Variants in RIN2 observed in about 807,000 individuals in gnomAD.
RIN2 encodes the protein Ras and Rab interactor 2.
A neutral mutation model predicts 78.0 loss-of-function variants in RIN2; 36 were observed. That is an observed-to-expected ratio of 0.46 (90% CI 0.35 to 0.61). The LOEUF (loss-of-function observed/expected upper bound fraction) is 0.61. RIN2 is among the 20% of genes least tolerant of loss of function. The pLI is 0.00. For synonymous variants in RIN2, 466 were observed against 466.8 expected (o/e 1.00, Z 0.02); for missense variants, 1,087 against 1,159.7 (o/e 0.94, Z 0.91).
intron 2 of RIN2, among the ~76,000 whole-genome samples, chr20:19,806,830 C>T (rs994076336): frequency 2.2e-5 from 3 of 136,958 alleles, no homozygotes; most frequent in Admixed American, 7.2e-5. Flanking sequence ...TCCAGGAGCT[C>T]GAGGCTACAG....
At position 20,000,910 on chromosome 20, in the gene RIN2, G is replaced by A. The variant is rs763261576; in HGVS notation, c.2662G>A (p.Gly888Arg). 2.5e-5 allele frequency: 40 copies of A among 1,612,304 alleles called. No homozygotes were observed. The highest frequency in any genetic ancestry group is 3.0e-5 in the Non-Finnish European group (35 of 1,179,114). The change falls in exon 13 of 13, where the codon GGG becomes AGG. Residue 888 changes from glycine to arginine, a missense_variant. By Grantham distance (125) the Gly-to-Arg change is moderately radical. Transcript: ENST00000255006. ...TCCTTATGGCATCATTTTCCAGAAC[G>A]GGGAAGAAGACCTCACCACCTCCTA... ...NDPYGIIFQN[G>R]EEDLTTS
chr20:19,834,340 G>A (rs2036339714), intron 2 of RIN2, among the ~76,000 whole-genome samples: 1 of 152,174 alleles, frequency 6.6e-6, no homozygotes, highest in Admixed American at 6.5e-5. Flanking sequence ...GCTGCCTATG[G>A]GTGACAATAG....
At chr20:19,812,925 T>C (rs1489279491) in intron 2 of RIN2, among the ~76,000 whole-genome samples, 2 of 152,224 alleles carry the variant, frequency 1.3e-5, no homozygotes, top group Non-Finnish European at 2.9e-5. Context: ...ACTGCAGAAG[T>C]TACTCAGCTT....
At chr20:19,788,471 A>C (rs1201094316) in intron 1 of RIN2, among the ~76,000 whole-genome samples, 2 of 145,592 alleles carry the variant, frequency 1.4e-5, no homozygotes, top group African/African-American at 5.2e-5. Context: ...GCATGGTGGC[A>C]GGCACCTGTA....
chr20:19,872,949 A>G (rs948780228), intron 2 of RIN2, among the ~76,000 whole-genome samples: 10 of 152,144 alleles, frequency 6.6e-5, no homozygotes, highest in African/African-American at 2.4e-4. Flanking sequence ...ACATATATTT[A>G]ATAAATAAAT....
intron 2 of RIN2, among the ~76,000 whole-genome samples, chr20:19,819,692 G>A (rs1000311657): frequency 6.6e-6 from 1 of 152,102 alleles, no homozygotes; most frequent in African/African-American, 2.4e-5. Flanking sequence ...ATGCCACCAT[G>A]CCTAGCTAAT....
At chr20:19,904,070 A>G (rs1568591881) in intron 3 of RIN2, among the ~76,000 whole-genome samples, 1 of 151,856 alleles carries the variant, frequency 6.6e-6, no homozygotes. Flanking sequence ...GGTCTCTACT[A>G]AAAACACAAA....
chr20:19,966,040 G>T lies in RIN2; in HGVS notation c.536+1016G>T, dbSNP rs906860. ...CATCAAGTGTTTTTTCAGTAATTAAGAATCAAAATTCTTGTTATCTGCAGG... is the reference window on the plus strand; with the variant it reads ...CATCAAGTGTTTTTTCAGTAATTAATAATCAAAATTCTTGTTATCTGCAGG... On this transcript the variant is annotated intron_variant, in intron 7 of 12. Transcript: ENST00000255006. Among the ~76,000 whole-genome samples, 1,491 of 152,194 alleles carry T rather than the reference G, an allele frequency of 9.8e-3. 24 individuals carry two copies. The highest frequency in any genetic ancestry group is 0.047 in the South Asian group (229 of 4,828).
At chr20:19,866,465 G>A (rs1320422706) in intron 2 of RIN2, among the ~76,000 whole-genome samples, 6 of 152,126 alleles carry the variant, frequency 3.9e-5, no homozygotes, top group South Asian at 4.1e-4. Flanking sequence ...GCTGGGGAGT[G>A]CAGAGAGACA....
chr20:19,762,067 T>TCTA (rs1327049088), intron 1 of RIN2, among the ~76,000 whole-genome samples: 2 of 152,190 alleles, frequency 1.3e-5, no homozygotes, highest in African/African-American at 4.8e-5. Context: ...CTCTAGGGTG[T>TCTA]CTAAGTGTGT....
At chr20:19,802,359 G>A (rs2035266884) in intron 2 of RIN2, among the ~76,000 whole-genome samples, 2 of 152,192 alleles carry the variant, frequency 1.3e-5, no homozygotes, top group South Asian at 2.1e-4. Flanking sequence ...GCCAGGCCAG[G>A]TGTGGTGGCT....
In RIN2 at chr20:19,956,884, G is replaced by C. The variant is rs1264612149; in HGVS notation, c.351+77G>C. ...GCTTAAAGAAAAACACTTGGAGTTA[G>C]TTCCAGAAATTTCTTCCTAGCTTGT... On this transcript the variant is annotated intron_variant, in intron 5 of 12. Transcript: ENST00000255006. The C allele has an allele frequency of 7.0e-6, 9 of 1,294,800 alleles. No individual in the cohort carries two copies. The Admixed American group carries it at 2.6e-4, about 37-fold the overall frequency. The allele number at this position is 1,294,800 out of a possible 1,614,324, so 80.2% of individuals were successfully genotyped here.
intron 2 of RIN2, among the ~76,000 whole-genome samples, chr20:19,876,566 C>T (rs1051122894): frequency 5.8e-5 from 7 of 120,638 alleles, no homozygotes; most frequent in Admixed American, 5.6e-4. Flanking sequence ...GCATAACAGA[C>T]AGGCGAAATG....
At chr20:19,817,518 G>C (rs2035800611) in intron 2 of RIN2, among the ~76,000 whole-genome samples, 1 of 151,862 alleles carries the variant, frequency 6.6e-6, no homozygotes, top group South Asian at 2.1e-4. Context: ...TGGGGGCGGG[G>C]GGCACAAACA....
chr20:19,820,699 T>G (rs2035900721), intron 2 of RIN2, among the ~76,000 whole-genome samples: 1 of 152,136 alleles, frequency 6.6e-6, no homozygotes, highest in African/African-American at 2.4e-5. Flanking sequence ...TGTGGTTAGC[T>G]GGGGTTCTCT....
intron 9 of RIN2, among the ~76,000 whole-genome samples, chr20:19,987,930 C>T (rs1433043822): frequency 6.6e-6 from 1 of 152,166 alleles, no homozygotes; most frequent in African/African-American, 2.4e-5. Flanking sequence ...GCTGGGGAAT[C>T]TGATGATTGT....
chr20:19,853,218 T>C (rs1474991204), intron 2 of RIN2, among the ~76,000 whole-genome samples: 1 of 152,054 alleles, frequency 6.6e-6, no homozygotes, highest in East Asian at 1.9e-4. Context: ...GAACTCATCC[T>C]TTTTTATGGC....
chr20:19,854,456 T>C (rs2037098429), intron 2 of RIN2, among the ~76,000 whole-genome samples: 1 of 152,264 alleles, frequency 6.6e-6, no homozygotes, highest in South Asian at 2.1e-4. Flanking sequence ...ATTGAATCTA[T>C]AAATTTCCTT....
At chr20:19,993,733 G>A (rs998607326) in intron 11 of RIN2, among the ~76,000 whole-genome samples, 3 of 152,266 alleles carry the variant, frequency 2.0e-5, no homozygotes, top group East Asian at 1.9e-4. Flanking sequence ...ACAGGACAAG[G>A]CCAAACATGT....
Sources: gnomAD v4.1 joint callset for allele counts (sites outside exome capture counted in the v4.1 genomes callset) on GRCh38, gnomAD v4.1.1 for gene constraint, MANE v1.5 for transcripts, NCBI Gene and HGNC (gene_info 2026-07-23, HGNC 2026-07-21) for gene names.